The following HOXB3 variants were observed in gnomAD, a reference collection of about 807,000 sequenced individuals.
HOXB3 encodes the protein homeobox protein Hox-B3.
HOXB3 carries 17 observed loss-of-function variants against 29.2 expected under a neutral mutation model. That is an observed-to-expected ratio of 0.58 (90% CI 0.40 to 0.87). The LOEUF (loss-of-function observed/expected upper bound fraction) is 0.87, where lower values mean the gene tolerates loss of function less well. Among genes scored for constraint, HOXB3 ranks in the 40% least tolerant of loss-of-function variants. HOXB3 has a pLI of 0.00. For synonymous variants in HOXB3, 317 were observed against 285.9 expected (o/e 1.11, Z -1.10); for missense variants, 637 against 616.3 (o/e 1.03, Z -0.35).
chr17:48,569,513 G>T (rs1304430062), intron 2 of HOXB3, among the ~76,000 whole-genome samples: 1 of 151,852 alleles, frequency 6.6e-6, no homozygotes, highest in Non-Finnish European at 1.5e-5. Context: ...GTGGGGGTGG[G>T]GTGGGCTCAG....
At chr17:48,569,522 A>G (rs781265736) in intron 2 of HOXB3, among the ~76,000 whole-genome samples, 2 of 152,124 alleles carry the variant, frequency 1.3e-5, no homozygotes, top group African/African-American at 2.4e-5. Flanking sequence ...GGGTGGGCTC[A>G]GAGCCCTTCT....
At chr17:48,565,149 A>G (rs2069350932) in intron 2 of HOXB3, among the ~76,000 whole-genome samples, 1 of 152,198 alleles carries the variant, frequency 6.6e-6, no homozygotes, top group Non-Finnish European at 1.5e-5. Context: ...AAAGGATTCC[A>G]GGGTCCAGGT....
chr17:48,556,932 T>A (rs1034898704), intron 2 of HOXB3: 2 of 152,070 alleles, frequency 1.3e-5, no homozygotes, highest in Non-Finnish European at 2.9e-5. Flanking sequence ...CTCTCTGCCC[T>A]GCAAGATTTA....
At chr17:48,577,029 A>T (rs372443829) in intron 1 of HOXB3, 1 of 1,573,030 alleles carries the variant, frequency 6.4e-7, no homozygotes, top group Non-Finnish European at 8.6e-7. Context: ...TACTGGACAC[A>T]CACGGAGAGA....
At position 48,555,358 on chromosome 17, in the gene HOXB3, GA is replaced by G. The variant is rs1231768094; in HGVS notation, c.-159+172del. Reference sequence around the variant, plus strand: ...AGGGAGAGAGAGAGAGAGAGAGAGAGAGAGAGGGAGGGAGGGAGGGAGGGAG... The same window carrying G: ...AGGGAGAGAGAGAGAGAGAGAGAGAGGAGAGGGAGGGAGGGAGGGAGGGAG... On this transcript the variant is annotated intron_variant, in intron 3 of 4. Transcript: ENST00000498678. The G allele has an allele frequency of 1.8e-5, 9 of 508,264 alleles. 1 individual carries two copies. Among genetic ancestry groups the G allele is most frequent in the Non-Finnish European group, 3.2e-5 (9 of 283,010 alleles). 31.5% of individuals were successfully genotyped at this position (508,264 alleles called of 1,614,324 possible).
intron 4 of HOXB3, 25 bp downstream of exon 4, chr17:48,552,002 G>A: frequency 6.5e-7 from 1 of 1,536,928 alleles, no homozygotes; most frequent in Admixed American, 1.9e-5. Context: ...AAAAGCTGAG[G>A]ACAAGGAAGG....
In HOXB3 at chr17:48,550,515, C is replaced by T. The variant is rs1490315086; in HGVS notation, c.1115G>A (p.Gly372Asp). 4 of 1,581,506 alleles carry T rather than the reference C, an allele frequency of 2.5e-6. No individual in the cohort carries two copies. Among genetic ancestry groups the T allele is most frequent in the Non-Finnish European group, 3.4e-6 (4 of 1,169,752 alleles). ...LPPPAGPSLY[G>D]LNHLSHHPSG... The stretch of plus-strand genomic sequence containing the variant: ...AGGGTGATGGGAAAGGTGGTTGAGG[C>T]CATAGAGGGAGGGGCCGGCAGGGGG... The change falls in exon 5 of 5, where the codon GGC becomes GAC. Residue 372 changes from glycine to aspartate, a missense_variant. Coordinates refer to ENST00000498678, the MANE Select transcript of HOXB3 (RefSeq NM_001384749.1).
intron 4 of HOXB3, among the ~76,000 whole-genome samples, chr17:48,551,525 C>A (rs1038341008): frequency 4.6e-5 from 7 of 152,194 alleles, no homozygotes; most frequent in Non-Finnish European, 8.8e-5. Flanking sequence ...AATTCCAGGT[C>A]AGGGAAGACA....
At chr17:48,555,354 G>C in intron 3 of HOXB3, 177 bp downstream of exon 3, 2 of 503,894 alleles carry the variant, frequency 4.0e-6, no homozygotes, top group Admixed American at 2.9e-5. Flanking sequence ...GAGAGAGAGA[G>C]AGAGAGAGAG....
In HOXB3 at chr17:48,563,903, C is replaced by T. The variant is rs549890763; in HGVS notation, c.-246-8285G>A. 9.5e-4 allele frequency among the ~76,000 whole-genome samples: 145 copies of T among 152,126 alleles called. 3 individuals are homozygous for T. The highest frequency in any genetic ancestry group is 3.5e-3 in the South Asian group (17 of 4,818). On this transcript the variant is annotated intron_variant, in intron 2 of 4. Coordinates refer to ENST00000498678, the MANE Select transcript of HOXB3 (RefSeq NM_001384749.1). ...TCACATTTCCCTCAGTACCCACAGC[C>T]CCCAACTGCCCTGGAAAACCCTCCT... is the stretch of plus-strand genomic sequence containing the variant.
chr17:48,555,333 AGG>A (rs1408763025), intron 3 of HOXB3, 196 bp downstream of exon 3: 34 of 488,048 alleles, frequency 7.0e-5, no homozygotes, highest in Admixed American at 4.1e-4. Flanking sequence ...GGAGAGAGAG[AGG>A]GAGAGAGAGA....
rs2068638481 is a variant in HOXB3 at position 48,549,616 on chromosome 17, C to T, written c.*718G>A. 6.6e-6 allele frequency: 1 copy of T among 152,396 alleles called. No homozygotes were observed. Among genetic ancestry groups the T allele is most frequent in the Non-Finnish European group, 1.5e-5 (1 of 68,008 alleles). 9.4% of individuals were successfully genotyped at this position (152,396 alleles called of 1,614,324 possible). A position where few individuals can be genotyped will look rare whatever the true frequency, so the allele number is the denominator to read the frequency against. ...ACCTTCAGTCCTAACAACCTGCCTG[C>T]CCTAGCCTCCACACTTTTCCTTAAA... On this transcript the variant is annotated 3_prime_UTR_variant, in exon 5 of 5. Coordinates refer to ENST00000498678, the MANE Select transcript of HOXB3 (RefSeq NM_001384749.1).
chr17:48,584,819 C>T (rs147110364), intron 1 of HOXB3, among the ~76,000 whole-genome samples: 1 of 152,116 alleles, frequency 6.6e-6, no homozygotes, highest in Non-Finnish European at 1.5e-5. Flanking sequence ...TCTTCGCTGC[C>T]CATTTCTGCT....
At chr17:48,572,937 C>T (rs1052490043) in intron 2 of HOXB3, among the ~76,000 whole-genome samples, 1 of 152,132 alleles carries the variant, frequency 6.6e-6, no homozygotes. Context: ...CTGAGCTAAT[C>T]GCCTAGAAAA....
At chr17:48,561,750 T>C (rs887635030) in intron 2 of HOXB3, among the ~76,000 whole-genome samples, 2 of 152,116 alleles carry the variant, frequency 1.3e-5, no homozygotes, top group African/African-American at 4.8e-5. Context: ...GGCTTGGGAG[T>C]TGGAAGGCCT....
At chr17:48,582,010 G>A (rs375846946) in intron 1 of HOXB3, 1 of 152,394 alleles carries the variant, frequency 6.6e-6, no homozygotes, top group Non-Finnish European at 1.5e-5. Context: ...CGCGAGCTGA[G>A]CCACCTCCCC....
At chr17:48,587,766 A>ATC (rs1352642238) in intron 1 of HOXB3, among the ~76,000 whole-genome samples, 1 of 152,176 alleles carries the variant, frequency 6.6e-6, no homozygotes, top group East Asian at 1.9e-4. Flanking sequence ...ACTTCCTCCC[A>ATC]CCCATTGGCC....
chr17:48,590,068 C>T (rs1223965554), intron 1 of HOXB3, 57 bp downstream of exon 1: 3 of 152,216 alleles, frequency 2.0e-5, no homozygotes, highest in Non-Finnish European at 4.4e-5. Context: ...GTTTTCTTCC[C>T]CCAGTCCCAG....
chr17:48,566,006 C>CT (rs1332159722), intron 2 of HOXB3, among the ~76,000 whole-genome samples: 3 of 152,158 alleles, frequency 2.0e-5, no homozygotes, highest in Non-Finnish European at 4.4e-5. Context: ...AGCCTGCCTC[C>CT]TTAAAGGCAC....
Sources: allele counts gnomAD v4.1 joint callset (sites outside exome capture counted in the v4.1 genomes callset), GRCh38; gene constraint gnomAD v4.1.1; transcripts MANE v1.5; gene names NCBI Gene and HGNC (gene_info 2026-07-23, HGNC 2026-07-21).